Variants in CLPX observed in about 807,000 individuals in gnomAD.
CLPX encodes caseinolytic mitochondrial matrix peptidase chaperone subunit X.
In CLPX, 34 loss-of-function variants were observed where a neutral mutation model predicts 76.4. The ratio of observed to expected loss-of-function variants is 0.45; its 90% confidence interval spans 0.34 to 0.59. The LOEUF (loss-of-function observed/expected upper bound fraction) is 0.59, where lower values mean the gene tolerates loss of function less well. CLPX is among the 20% of genes least tolerant of loss of function. The pLI is 0.01. For missense variants in CLPX, 613 were observed against 757.0 expected (o/e 0.81, Z 2.23); for synonymous variants, 248 against 270.9 (o/e 0.92, Z 0.83).
At chr15:65,164,584 G>A (rs984227659) in intron 4 of CLPX, among the ~76,000 whole-genome samples, 3 of 151,986 alleles carry the variant, frequency 2.0e-5, no homozygotes, top group Non-Finnish European at 4.4e-5. Context: ...TCAATCAAAT[G>A]AATAACATTC....
chr15:65,148,635 G>A lies in CLPX; in HGVS notation c.*2188C>T, dbSNP rs969002563. On this transcript the variant is annotated 3_prime_UTR_variant, in exon 14 of 14. Transcript: ENST00000300107. ...CATCCCTTTTATTAATTATATCAAA[G>A]AAAGCCCAACTCTTCATCAACAAGA... The A allele has an allele frequency of 6.6e-6, 1 of 151,486 alleles. No homozygotes were observed. Among genetic ancestry groups the A allele is most frequent in the Non-Finnish European group, 1.5e-5 (1 of 67,954 alleles). The allele number at this position is 151,486 out of a possible 1,614,324, so 9.4% of individuals were successfully genotyped here.
At chr15:65,180,930 A>G (rs1293192726) in intron 1 of CLPX, among the ~76,000 whole-genome samples, 2 of 150,838 alleles carry the variant, frequency 1.3e-5, no homozygotes, top group East Asian at 3.9e-4. Context: ...ATCTGTAACA[A>G]TGGAAACAAA....
At chr15:65,154,456 C>A (rs183320835) in intron 11 of CLPX, among the ~76,000 whole-genome samples, 9 of 152,238 alleles carry the variant, frequency 5.9e-5, no homozygotes, top group Admixed American at 5.2e-4. Flanking sequence ...AAAATATACA[C>A]AGTATGTCAC....
At chr15:65,160,623 T>TCTCTCTCTCTCTCTCACACACACA (rs1219208926) in intron 6 of CLPX, among the ~76,000 whole-genome samples, 9 of 100,966 alleles carry the variant, frequency 8.9e-5, no homozygotes, top group South Asian at 3.9e-4. Flanking sequence ...TCTCTCTCTC[T>TCTCTCTCTCTCTCTCACACACACA]CACACACACA....
intron 3 of CLPX, among the ~76,000 whole-genome samples, chr15:65,174,547 G>A (rs771010058): frequency 4.6e-5 from 7 of 152,190 alleles, no homozygotes; most frequent in Non-Finnish European, 7.3e-5. Context: ...ACAGGCATAA[G>A]CCACCATGCC....
At chr15:65,181,805 C>T (rs2088176799) in intron 1 of CLPX, among the ~76,000 whole-genome samples, 1 of 150,872 alleles carries the variant, frequency 6.6e-6, no homozygotes, top group South Asian at 2.1e-4. Context: ...AAGATAGTAT[C>T]AATCCCAAAA....
At chr15:65,164,230 A>G (rs1401411378) in intron 4 of CLPX, 42 bp from the exon 5 acceptor site, 6 of 1,492,984 alleles carry the variant, frequency 4.0e-6, no homozygotes, top group Non-Finnish European at 5.5e-6. Context: ...ATGAGCTATT[A>G]TAAGAGCACA....
At position 65,150,895 on chromosome 15, in the gene CLPX, G is replaced by A. The variant is rs1181662666; in HGVS notation, c.1830C>T (p.Ser610=). 4 of 1,608,570 alleles carry A rather than the reference G, an allele frequency of 2.5e-6. No homozygotes were observed. Among genetic ancestry groups the A allele is most frequent in the Non-Finnish European group, 3.4e-6 (4 of 1,177,466 alleles). Reference sequence around the variant, plus strand: ...CTCCAGAGTCATACTCCTCTTCAGAGGATTCTTTTGTTGGAGCCCTACAAT... The same window carrying A: ...CTCCAGAGTCATACTCCTCTTCAGAAGATTCTTTTGTTGGAGCCCTACAAT... ...PGYIRAPTKE[S]SEEEYDSGVE... The change falls in exon 14 of 14, where the codon TCC becomes TCT. Residue 610 remains serine, a synonymous_variant. Transcript: ENST00000300107.
intron 1 of CLPX, 49 bp downstream of exon 1, chr15:65,185,026 A>ACCCCC (rs573023416): frequency 1.5e-5 from 18 of 1,197,586 alleles, no homozygotes; most frequent in African/African-American, 5.2e-5. Flanking sequence ...TGGCCAGTCC[A>ACCCCC]CCCCCCCCCC....
chr15:65,151,323 C>T (rs539242095), intron 13 of CLPX, among the ~76,000 whole-genome samples: 415 of 121,480 alleles, frequency 3.4e-3, no homozygotes, highest in Non-Finnish European at 5.7e-3. Flanking sequence ...CCAGTCTGGG[C>T]GACAGAGCAA....
intron 13 of CLPX, 53 bp from the exon 14 acceptor site, chr15:65,150,966 T>C: frequency 3.1e-6 from 4 of 1,299,610 alleles, no homozygotes; most frequent in Non-Finnish European, 4.4e-6. Context: ...GAGGTAAACA[T>C]GATCTTTAAA....
rs752405975 is a variant in CLPX at position 65,153,549 on chromosome 15, T to C, written c.1702A>G (p.Met568Val). ...KTGARGLRSI[M>V]EKLLLEPMFE... ...TTTATAGAATAATGCCAACTCACCA[T>C]TATGGACCGAAGGCCTCGTGCACCT... Residue 568 changes from methionine to valine, a missense_variant and splice_region_variant, in exon 12 of 14, where the codon ATG (methionine) becomes GTG (valine). By Grantham distance (21) the Met-to-Val change is conservative (BLOSUM62 1). Transcript: ENST00000300107. 8.2e-6 allele frequency: 13 copies of C among 1,576,200 alleles called. No individual in the cohort carries two copies. In the South Asian group the frequency reaches 1.0e-4, roughly 12 times the overall value.
intron 4 of CLPX, among the ~76,000 whole-genome samples, chr15:65,165,740 T>C (rs1031133742): frequency 2.0e-5 from 3 of 151,628 alleles, no homozygotes; most frequent in African/African-American, 4.9e-5. Context: ...CAAATTCGTA[T>C]AGAATATAAA....
At position 65,158,635 on chromosome 15, in the gene CLPX, A is replaced by G; in HGVS notation, c.832T>C (p.Ser278Pro). The change falls in exon 7 of 14, where the codon TCT becomes CCT. Residue 278 changes from serine (S) to proline (P), a missense_variant. Physicochemically the swap from Ser to Pro is moderately conservative, Grantham distance 74. Coordinates refer to ENST00000300107, the MANE Select transcript of CLPX (RefSeq NM_006660.5). Reference sequence around the variant, plus strand: ...TTTTCAAGTTTTATGTCATCATGAGAAGAATCCAATACTTCACCTCCTCGT... The same window carrying G: ...TTTTCAAGTTTTATGTCATCATGAGGAGAATCCAATACTTCACCTCCTCGT... ...EKRGGEVLDSSHDDIKLEKSN... is the reference protein window; with the variant it reads ...EKRGGEVLDSPHDDIKLEKSN... The G allele has an allele frequency of 6.2e-7, 1 of 1,614,018 alleles. No homozygotes were observed. The highest frequency in any genetic ancestry group is 8.5e-7 in the Non-Finnish European group (1 of 1,179,962).
Position 65,155,710 on chromosome 15 carries a change from G to A in CLPX, c.1293C>T (p.Ser431=). 1 of 1,611,334 alleles carries A rather than the reference G, an allele frequency of 6.2e-7. No individual in the cohort carries two copies. Among genetic ancestry groups the A allele is most frequent in the Non-Finnish European group, 8.5e-7 (1 of 1,178,748 alleles). ...GAFNGLDRII[S]RRKNEKYLGF... is the part of the protein sequence containing the mutation. ...AACTTACCTTTTCATTTTTCCTCCTGCTGATGATTCTGTCTAAACCATTGA... is the reference window on the plus strand; with the variant it reads ...AACTTACCTTTTCATTTTTCCTCCTACTGATGATTCTGTCTAAACCATTGA... Residue 431 remains serine (S), a synonymous_variant, in exon 10 of 14, where the codon AGC becomes AGT. Transcript: ENST00000300107.
intron 3 of CLPX, among the ~76,000 whole-genome samples, chr15:65,174,425 T>C (rs2088059260): frequency 6.6e-6 from 1 of 151,478 alleles, no homozygotes; most frequent in Admixed American, 6.6e-5. Flanking sequence ...CCACCAAGCC[T>C]GGCTAATTTT....
chr15:65,184,516 T>C (rs1389544356), intron 1 of CLPX: 1 of 152,838 alleles, frequency 6.5e-6, no homozygotes, highest in Non-Finnish European at 1.5e-5. Context: ...TGAACCTTGT[T>C]TATGTCCCAG....
At chr15:65,167,074 T>C (rs554582470) in intron 3 of CLPX, among the ~76,000 whole-genome samples, 1 of 149,242 alleles carries the variant, frequency 6.7e-6, no homozygotes, top group Non-Finnish European at 1.5e-5. Flanking sequence ...TAAAAAAGAT[T>C]TTTTTTTTTC....
intron 5 of CLPX, 143 bp from the exon 6 acceptor site, chr15:65,162,788 T>C (rs976424409): frequency 1.8e-6 from 1 of 554,296 alleles, no homozygotes; most frequent in Non-Finnish European, 3.2e-6. Context: ...CTATATCTTT[T>C]CTATATTAAA....
Sources: allele counts gnomAD v4.1 joint callset (sites outside exome capture counted in the v4.1 genomes callset), GRCh38; gene constraint gnomAD v4.1.1; transcripts MANE v1.5; gene names NCBI Gene and HGNC (gene_info 2026-07-23, HGNC 2026-07-21).